Variants in HS6ST3 observed in about 807,000 individuals in gnomAD.
HS6ST3 encodes heparan sulfate 6-O-sulfotransferase 3.
Under a neutral mutation model 36.7 loss-of-function variants are expected in HS6ST3, and 12 were observed. The ratio of observed to expected loss-of-function variants is 0.33; its 90% CI spans 0.21 to 0.53. The LOEUF is 0.53. Ranked by LOEUF, HS6ST3 falls within the 20% of genes least tolerant of loss-of-function variation. The pLI is 0.95. For missense variants in HS6ST3, 584 were observed against 640.9 expected, an observed-to-expected ratio of 0.91 and a Z score of 0.96; for synonymous variants, 240 against 257.5, an observed-to-expected ratio of 0.93 and a Z score of 0.65.
intron 1 of HS6ST3, among the ~76,000 whole-genome samples, chr13:96,595,812 A>T: frequency 6.7e-6 from 1 of 149,204 alleles, no homozygotes. Context: ...TTCTGCTGTG[A>T]TGTTCTCTAT....
intron 1 of HS6ST3, among the ~76,000 whole-genome samples, chr13:96,223,219 T>C (rs551365279): frequency 6.6e-6 from 1 of 152,232 alleles, no homozygotes; most frequent in South Asian, 2.1e-4. Context: ...AAATCATGAG[T>C]GACATTGGAG....
chr13:96,398,068 C>T (rs891187253), intron 1 of HS6ST3, among the ~76,000 whole-genome samples: 5 of 152,112 alleles, frequency 3.3e-5, no homozygotes, highest in Admixed American at 6.5e-5. Context: ...CCTATCTTTG[C>T]ATCATGTTTT....
At chr13:96,245,956 T>C (rs768264776) in intron 1 of HS6ST3, among the ~76,000 whole-genome samples, 2 of 152,146 alleles carry the variant, frequency 1.3e-5, no homozygotes, top group Non-Finnish European at 2.9e-5. Context: ...ATATGTTAAA[T>C]TATTATTTTC....
chr13:96,639,005 C>A (rs1445111831), intron 1 of HS6ST3, among the ~76,000 whole-genome samples: 1 of 151,960 alleles, frequency 6.6e-6, no homozygotes, highest in Non-Finnish European at 1.5e-5. Flanking sequence ...GAGAGTGTGC[C>A]ACGTGCACTT....
chr13:96,100,921 C>T (rs541185696), intron 1 of HS6ST3, among the ~76,000 whole-genome samples: 35 of 152,220 alleles, frequency 2.3e-4, no homozygotes, highest in African/African-American at 7.9e-4. Flanking sequence ...AGATCGGATA[C>T]CCCATATTTT....
chr13:96,140,489 A>G lies in HS6ST3; in HGVS notation c.707+48920A>G, dbSNP rs573968987. Among the ~76,000 whole-genome samples, 11 of 152,236 alleles carry G rather than the reference A, an allele frequency of 7.2e-5. No individual in the cohort carries two copies. In the South Asian group the frequency reaches 2.1e-3, roughly 29 times the overall value. The stretch of plus-strand genomic sequence containing the variant: ...TGTAAACCTTGACTAACACCATGGG[A>G]CCCCAATGTAATGGCACTAGTGATG... On this transcript the variant is annotated intron_variant, in intron 1 of 1. Transcript: ENST00000376705.
At chr13:96,116,544 A>G (rs1437093159) in intron 1 of HS6ST3, among the ~76,000 whole-genome samples, 1 of 152,208 alleles carries the variant, frequency 6.6e-6, no homozygotes, top group Non-Finnish European at 1.5e-5. Flanking sequence ...TCCCCACTCC[A>G]TTCCCAAACC....
At chr13:96,344,351 G>A (rs544324280) in intron 1 of HS6ST3, among the ~76,000 whole-genome samples, 9 of 152,266 alleles carry the variant, frequency 5.9e-5, no homozygotes, top group Middle Eastern at 3.4e-3. Flanking sequence ...TGAGGAAGGG[G>A]ATGCTTGTAT....
intron 1 of HS6ST3, among the ~76,000 whole-genome samples, chr13:96,737,575 A>T (rs930107624): frequency 7.4e-6 from 1 of 134,560 alleles, no homozygotes; most frequent in Non-Finnish European, 1.5e-5. Flanking sequence ...CAGTGAGCCG[A>T]GATTGCGCCA....
At chr13:96,271,093 G>T (rs564966324) in intron 1 of HS6ST3, among the ~76,000 whole-genome samples, 1 of 151,968 alleles carries the variant, frequency 6.6e-6, no homozygotes, top group South Asian at 2.1e-4. Flanking sequence ...CTGGCTCTAT[G>T]GGGGGAAGAA....
Position 96,192,366 on chromosome 13 carries a change from G to T in HS6ST3, c.707+100797G>T, listed in dbSNP as rs138873941. 1.8e-3 allele frequency among the ~76,000 whole-genome samples: 268 copies of T among 152,192 alleles called. 2 individuals carry two copies. Among genetic ancestry groups the T allele is most frequent in the African/African-American group, 6.2e-3 (256 of 41,528 alleles). On this transcript the variant is annotated intron_variant, in intron 1 of 1. Coordinates refer to ENST00000376705, the MANE Select transcript of HS6ST3 (RefSeq NM_153456.4). ...CATGGATATATTTCATGCTGGTGGGGATGGACTTCTAGTGTACCCATTACT... is the reference window on the plus strand; with the variant it reads ...CATGGATATATTTCATGCTGGTGGGTATGGACTTCTAGTGTACCCATTACT...
chr13:96,093,527 A>G (rs369453360), intron 1 of HS6ST3, among the ~76,000 whole-genome samples: 30 of 151,902 alleles, frequency 2.0e-4, no homozygotes, highest in African/African-American at 7.3e-4. Context: ...TCCCTGAATC[A>G]CAGGTTAGCA....
intron 1 of HS6ST3, among the ~76,000 whole-genome samples, chr13:96,787,588 C>G (rs1434947577): frequency 1.3e-5 from 2 of 151,940 alleles, no homozygotes; most frequent in Non-Finnish European, 2.9e-5. Flanking sequence ...ACTGAAATGT[C>G]TGTTCAAATA....
chr13:96,721,581 G>T (rs1002205334), intron 1 of HS6ST3, among the ~76,000 whole-genome samples: 2 of 152,074 alleles, frequency 1.3e-5, no homozygotes, highest in African/African-American at 4.8e-5. Context: ...TATACTTACA[G>T]ATTTCTCAAG....
At chr13:96,530,805 G>A (rs1183843820) in intron 1 of HS6ST3, among the ~76,000 whole-genome samples, 3 of 152,084 alleles carry the variant, frequency 2.0e-5, no homozygotes, top group Admixed American at 6.5e-5. Flanking sequence ...TTTTCTTATT[G>A]ATCATTTATC....
chr13:96,484,350 A>G (rs2055903924), intron 1 of HS6ST3, among the ~76,000 whole-genome samples: 1 of 151,962 alleles, frequency 6.6e-6, no homozygotes, highest in South Asian at 2.1e-4. Context: ...ATATGTGCAC[A>G]TTGTTGATGT....
chr13:96,292,984 G>C (rs572478387), intron 1 of HS6ST3, among the ~76,000 whole-genome samples: 5 of 152,128 alleles, frequency 3.3e-5, no homozygotes, highest in Admixed American at 3.3e-4. Context: ...GATTAGTGAT[G>C]ATGAATCCTC....
intron 1 of HS6ST3, among the ~76,000 whole-genome samples, chr13:96,278,898 A>T (rs2054761341): frequency 6.6e-6 from 1 of 152,132 alleles, no homozygotes; most frequent in Admixed American, 6.6e-5. Context: ...TGAAATGTTA[A>T]TGTAATTTTG....
chr13:96,693,987 A>G (rs755341285), intron 1 of HS6ST3, among the ~76,000 whole-genome samples: 8 of 152,136 alleles, frequency 5.3e-5, no homozygotes, highest in Non-Finnish European at 1.2e-4. Flanking sequence ...AGGAAGTTAT[A>G]TCTTAGTTTC....
Sources: allele counts gnomAD v4.1 joint callset (sites outside exome capture counted in the v4.1 genomes callset), GRCh38; gene constraint gnomAD v4.1.1; transcripts MANE v1.5; gene names NCBI Gene and HGNC (gene_info 2026-07-23, HGNC 2026-07-21).